Variants in KIAA0319L observed in about 807,000 individuals in gnomAD.
KIAA0319L encodes the protein dyslexia-associated protein KIAA0319-like protein.
A neutral mutation model predicts 120.1 loss-of-function variants in KIAA0319L; 55 were observed. The observed-to-expected ratio is 0.46, with a 90% confidence interval of 0.37 to 0.57. The LOEUF (loss-of-function observed/expected upper bound fraction) is 0.57, where lower values mean the gene tolerates loss of function less well. Ranked by LOEUF, KIAA0319L falls within the 20% of genes least tolerant of loss-of-function variation. KIAA0319L has a pLI of 0.00. For synonymous variants in KIAA0319L, 398 were observed against 471.9 expected (o/e 0.84, Z 2.03); for missense variants, 1,049 against 1,255.3 (o/e 0.84, Z 2.48).
Position 35,540,757 on chromosome 1 carries a change from C to A in KIAA0319L, c.142+13593G>T, listed in dbSNP as rs571725080. Among the ~76,000 whole-genome samples, 6 of 152,264 alleles carry A rather than the reference C, an allele frequency of 3.9e-5. No homozygotes were observed. In the East Asian group the frequency reaches 1.2e-3, roughly 29 times the overall value. On this transcript the variant is annotated intron_variant, in intron 2 of 20. Transcript: ENST00000325722. ...CAGGATTCTGCAAAGAAGACTAGGT[C>A]TCTATTGTCATGGCATTACCTTGGG...
chr1:35,499,483 G>A (rs1644926434), intron 3 of KIAA0319L, among the ~76,000 whole-genome samples: 1 of 152,090 alleles, frequency 6.6e-6, no homozygotes, highest in Non-Finnish European at 1.5e-5. Context: ...CCTTCAGCTG[G>A]GATTTCCCAG....
chr1:35,541,314 C>T (rs1003902374), intron 2 of KIAA0319L, among the ~76,000 whole-genome samples: 21 of 142,054 alleles, frequency 1.5e-4, no homozygotes, highest in Admixed American at 7.0e-5. Flanking sequence ...AAGCACAGGA[C>T]AAACTCTGCA....
chr1:35,477,540 G>A (rs779181145), intron 4 of KIAA0319L, among the ~76,000 whole-genome samples: 22 of 151,864 alleles, frequency 1.4e-4, no homozygotes, highest in African/African-American at 2.7e-4. Flanking sequence ...GGTGGTGGGC[G>A]CCTGTAGTCC....
At chr1:35,522,911 C>T (rs758617081) in intron 2 of KIAA0319L, among the ~76,000 whole-genome samples, 5 of 148,154 alleles carry the variant, frequency 3.4e-5, no homozygotes, top group Non-Finnish European at 7.4e-5. Flanking sequence ...CCCAGCTACT[C>T]GGGAGGCTGA....
At chr1:35,450,587 A>T in intron 13 of KIAA0319L, 78 bp from the exon 14 acceptor site, 3 of 1,387,124 alleles carry the variant, frequency 2.2e-6, no homozygotes, top group Non-Finnish European at 3.0e-6. Flanking sequence ...TTATGGGGAA[A>T]TTAAAACATC....
At chr1:35,526,510 A>G (rs1646155462) in intron 2 of KIAA0319L, among the ~76,000 whole-genome samples, 1 of 149,972 alleles carries the variant, frequency 6.7e-6, no homozygotes, top group Non-Finnish European at 1.5e-5. Context: ...TAGTGGTCCA[A>G]TCTTAGCTCA....
chr1:35,464,332 A>G (rs949148529), intron 7 of KIAA0319L, among the ~76,000 whole-genome samples: 2 of 152,154 alleles, frequency 1.3e-5, no homozygotes, highest in Admixed American at 6.5e-5. Context: ...CTCAGATGGA[A>G]ATGAGGAAAT....
In KIAA0319L at chr1:35,469,537, C is replaced by T. The variant is rs951840595; in HGVS notation, c.1113+1326G>A. On this transcript the variant is annotated intron_variant, in intron 6 of 20. Transcript: ENST00000325722. ...ACTTAGTCACAACCACATATAAATT[C>T]CCCTTTCCCCACATTTTCGCTCCCA... 5.9e-5 allele frequency among the ~76,000 whole-genome samples: 9 copies of T among 151,930 alleles called. 1 individual carries two copies. Among genetic ancestry groups the T allele is most frequent in the Non-Finnish European group, 7.4e-5 (5 of 68,002 alleles).
chr1:35,477,621 T>C (rs1339439209), intron 4 of KIAA0319L, among the ~76,000 whole-genome samples: 3 of 143,638 alleles, frequency 2.1e-5, no homozygotes, highest in African/African-American at 5.2e-5. Flanking sequence ...GAGCCGAGAT[T>C]GCGCCACTGC....
At chr1:35,451,205 G>A (rs1360753657) in intron 13 of KIAA0319L, among the ~76,000 whole-genome samples, 2 of 152,246 alleles carry the variant, frequency 1.3e-5, no homozygotes, top group Non-Finnish European at 2.9e-5. Flanking sequence ...GGCAAGCATA[G>A]TCAGCTGTAG....
At chr1:35,551,661 T>C (rs1571051933) in intron 2 of KIAA0319L, among the ~76,000 whole-genome samples, 1 of 151,836 alleles carries the variant, frequency 6.6e-6, no homozygotes, top group African/African-American at 2.4e-5. Flanking sequence ...AAAAAAAAAA[T>C]GGGAAGGAGC....
In KIAA0319L at chr1:35,506,335, GT is replaced by G. The variant is rs1379853217; in HGVS notation, c.666+276del. On this transcript the variant is annotated intron_variant, in intron 3 of 20. Coordinates refer to ENST00000325722, the MANE Select transcript of KIAA0319L (RefSeq NM_024874.5). This position sits in a 1 kb window ranked among gnomAD's most constrained non-coding sequence, Gnocchi z 4.0. ...GGTGAATACTAACAGCCATACAACTGTACTTACCTGTAGCCAAGAACCAGCT... is the reference window on the plus strand; with the variant it reads ...GGTGAATACTAACAGCCATACAACTGACTTACCTGTAGCCAAGAACCAGCT... Among the ~76,000 whole-genome samples the G allele has an allele frequency of 6.6e-6, 1 of 152,188 alleles. No homozygotes were observed. Among genetic ancestry groups the G allele is most frequent in the Admixed American group, 6.5e-5 (1 of 15,274 alleles).
At chr1:35,470,664 TAC>T in intron 6 of KIAA0319L, among the ~76,000 whole-genome samples, 197 bp downstream of exon 6, 1 of 152,352 alleles carries the variant, frequency 6.6e-6, no homozygotes, top group East Asian at 1.9e-4. Context: ...ACCATGCTGG[TAC>T]AGTCTTCTTA....
intron 2 of KIAA0319L, among the ~76,000 whole-genome samples, chr1:35,541,925 C>G (rs1377658749): frequency 6.6e-6 from 1 of 152,168 alleles, no homozygotes; most frequent in African/African-American, 2.4e-5. Flanking sequence ...ACGGAAAATG[C>G]ACAATACAAT....
At chr1:35,470,674 T>C (rs2149124636) in intron 6 of KIAA0319L, among the ~76,000 whole-genome samples, 189 bp downstream of exon 6, 1 of 152,306 alleles carries the variant, frequency 6.6e-6, no homozygotes, top group East Asian at 1.9e-4. Flanking sequence ...TACAGTCTTC[T>C]TACCATAAAT....
At chr1:35,499,812 C>G (rs928002772) in intron 3 of KIAA0319L, among the ~76,000 whole-genome samples, 1 of 150,924 alleles carries the variant, frequency 6.6e-6, no homozygotes, top group African/African-American at 2.4e-5. Flanking sequence ...AAAACAAACC[C>G]AAAACAACAA....
intron 15 of KIAA0319L, among the ~76,000 whole-genome samples, chr1:35,449,028 C>T (rs756670882): frequency 6.6e-6 from 1 of 152,156 alleles, no homozygotes; most frequent in Non-Finnish European, 1.5e-5. Flanking sequence ...TTGAATGCAC[C>T]ACTTGCCTGT....
At chr1:35,473,201 T>C (rs1183076137) in intron 5 of KIAA0319L, among the ~76,000 whole-genome samples, 1 of 150,472 alleles carries the variant, frequency 6.6e-6, no homozygotes, top group Non-Finnish European at 1.5e-5. Flanking sequence ...GTTCAAGCGA[T>C]TCTCCTGTCT....
At chr1:35,441,202 C>A (rs1427030082) in intron 19 of KIAA0319L, 64 bp from the exon 20 acceptor site, 9 of 1,448,248 alleles carry the variant, frequency 6.2e-6, no homozygotes, top group Non-Finnish European at 8.7e-6. Context: ...AGGATGAGAG[C>A]CAGATGTGCA....
Sources: gnomAD v4.1 joint callset for allele counts (sites outside exome capture counted in the v4.1 genomes callset) on GRCh38, gnomAD v4.1.1 for gene constraint, Gnocchi (gnomAD v3.1) non-coding constraint, MANE v1.5 for transcripts, NCBI Gene and HGNC (gene_info 2026-07-23, HGNC 2026-07-21) for gene names.